EFCAB5: variants seen among roughly 807,000 people sequenced by gnomAD.
EFCAB5 encodes the protein EF-hand calcium-binding domain-containing protein 5.
EFCAB5 carries 131 observed loss-of-function variants against 167.9 expected under a neutral mutation model. The ratio of observed to expected loss-of-function variants is 0.78; its 90% confidence interval spans 0.68 to 0.90. The LOEUF is 0.90. Ranked by LOEUF, EFCAB5 falls within the 40% of genes least tolerant of loss-of-function variation. The probability of loss-of-function intolerance (pLI) is 0.00; values close to 1 mark genes in which losing one functional copy is unlikely to be tolerated. For missense variants in EFCAB5, 1,663 were observed against 1,745.2 expected, an observed-to-expected ratio of 0.95 and a Z score of 0.84; for synonymous variants, 574 against 602.8, an observed-to-expected ratio of 0.95 and a Z score of 0.70.
chr17:30,102,538 T>C (rs1311175178), intron 22 of EFCAB5, among the ~76,000 whole-genome samples: 1 of 152,044 alleles, frequency 6.6e-6, no homozygotes, highest in Non-Finnish European at 1.5e-5. Context: ...ACCCGGCCCT[T>C]ATGTCTTCTT....
chr17:29,950,233 G>T (rs1240781696), intron 3 of EFCAB5, among the ~76,000 whole-genome samples: 1 of 151,962 alleles, frequency 6.6e-6, no homozygotes, highest in African/African-American at 2.4e-5. Flanking sequence ...TTAATGAATA[G>T]TAAATATATT....
At chr17:30,090,946 A>C (rs538898701) in intron 20 of EFCAB5, among the ~76,000 whole-genome samples, 2 of 152,340 alleles carry the variant, frequency 1.3e-5, no homozygotes, top group South Asian at 4.1e-4. Flanking sequence ...CATGTATTAA[A>C]TACCCCCATT....
At chr17:30,033,741 A>G (rs1287968970) in intron 7 of EFCAB5, among the ~76,000 whole-genome samples, 1 of 152,240 alleles carries the variant, frequency 6.6e-6, no homozygotes, top group Non-Finnish European at 1.5e-5. Flanking sequence ...AAAGAAGATC[A>G]TAGACAAAGG....
intron 14 of EFCAB5, 103 bp downstream of exon 14, chr17:30,059,804 A>T (rs964840590): frequency 4.6e-5 from 41 of 884,828 alleles, no homozygotes; most frequent in Admixed American, 1.6e-4. Flanking sequence ...TAAAACCACT[A>T]GATAACCCTT....
intron 21 of EFCAB5, among the ~76,000 whole-genome samples, chr17:30,092,542 C>T (rs1479710601): frequency 6.6e-6 from 1 of 152,152 alleles, no homozygotes; most frequent in Non-Finnish European, 1.5e-5. Flanking sequence ...TGCCCGCCAC[C>T]ACGCCCAGCT....
chr17:29,930,342 C>T (rs1233699656), intron 1 of EFCAB5: 3 of 301,892 alleles, frequency 9.9e-6, no homozygotes, highest in East Asian at 7.3e-5. Context: ...GCGTGCGCCT[C>T]GGGCCGCCGC....
At chr17:30,005,462 G>T (rs1303413029) in intron 7 of EFCAB5, among the ~76,000 whole-genome samples, 1 of 152,112 alleles carries the variant, frequency 6.6e-6, no homozygotes, top group Admixed American at 6.6e-5. Flanking sequence ...TATGCATTCA[G>T]ATCCTTTGGC....
In EFCAB5 at chr17:30,014,540, T is replaced by C. The variant is rs796686387; in HGVS notation, c.1044+14564T>C. Among the ~76,000 whole-genome samples, 13 of 152,354 alleles carry C rather than the reference T, an allele frequency of 8.5e-5. 1 individual carries two copies. Among genetic ancestry groups the C allele is most frequent in the African/African-American group, 2.9e-4 (12 of 41,572 alleles). ...TAGCTCTTCTTGTTGAATTGAACCC[T>C]TTACCATTATATAATGACCTTCTTT... On this transcript the variant is annotated intron_variant, in intron 7 of 22. Transcript: ENST00000394835.
intron 17 of EFCAB5, among the ~76,000 whole-genome samples, chr17:30,082,049 A>G (rs1344794106): frequency 2.0e-5 from 3 of 152,082 alleles, no homozygotes; most frequent in Non-Finnish European, 2.9e-5. Flanking sequence ...GGTTCTAAAG[A>G]TTTCCCATCC....
chr17:30,039,236 G>A (rs1399763709), intron 8 of EFCAB5, among the ~76,000 whole-genome samples: 6 of 152,130 alleles, frequency 3.9e-5, no homozygotes, highest in African/African-American at 7.2e-5. Flanking sequence ...CACCAAGTAC[G>A]GTGGAAAGGG....
intron 3 of EFCAB5, among the ~76,000 whole-genome samples, chr17:29,962,619 C>G (rs1417211449): frequency 1.3e-5 from 2 of 148,914 alleles, no homozygotes; most frequent in African/African-American, 4.9e-5. Flanking sequence ...CGGGTACGTG[C>G]CACCATGCCT....
In EFCAB5 at chr17:30,053,275, G is replaced by A. The variant is rs752738071; in HGVS notation, c.1321G>A (p.Glu441Lys). 1.7e-5 allele frequency: 28 copies of A among 1,604,144 alleles called. No homozygotes were observed. Among genetic ancestry groups the A allele is most frequent in the Non-Finnish European group, 2.2e-5 (26 of 1,174,770 alleles). ...PRQWPFIEFE[E>K]INLTELWGDM... ...ATTAGGGCCATTCATTGAATTTGAA[G>A]AGATAAACTTGACTGAGTTGTGGGG... is the stretch of plus-strand genomic sequence containing the variant. Residue 441 changes from glutamate (E) to lysine (K), a missense_variant, in exon 10 of 23, where the codon GAG (glutamate) becomes AAG (lysine). By Grantham distance (56) the Glu-to-Lys change is moderately conservative. Transcript: ENST00000394835.
chr17:29,993,453 C>A (rs1282534114), intron 5 of EFCAB5, 132 bp downstream of exon 5: 3 of 819,142 alleles, frequency 3.7e-6, no homozygotes, highest in Admixed American at 3.7e-5. Flanking sequence ...CTTGACCTGT[C>A]TGGTCCGTGA....
At chr17:30,061,447 T>A (rs1157114379) in intron 14 of EFCAB5, among the ~76,000 whole-genome samples, 1 of 152,248 alleles carries the variant, frequency 6.6e-6, no homozygotes, top group African/African-American at 2.4e-5. Flanking sequence ...TGTCCAAGAT[T>A]TAAAATTGGG....
chr17:29,943,505 T>C (rs1013509807), intron 2 of EFCAB5, 60 bp from the exon 3 acceptor site: 3 of 1,398,052 alleles, frequency 2.1e-6, no homozygotes, highest in Non-Finnish European at 2.9e-6. Context: ...GAATAATTTA[T>C]ACAACTTTGT....
At chr17:29,950,903 G>A (rs1359982791) in intron 3 of EFCAB5, among the ~76,000 whole-genome samples, 1 of 151,910 alleles carries the variant, frequency 6.6e-6, no homozygotes, top group Non-Finnish European at 1.5e-5. Flanking sequence ...ATTGTTCAAG[G>A]GTCAACTGTA....
chr17:29,960,648 T>C (rs760659629), intron 3 of EFCAB5, among the ~76,000 whole-genome samples: 1 of 152,180 alleles, frequency 6.6e-6, no homozygotes, highest in Non-Finnish European at 1.5e-5. Flanking sequence ...TGTACATCTA[T>C]ACCTCATTTT....
At position 30,096,673 on chromosome 17, in the gene EFCAB5, ATATATTTT is replaced by A. The variant is rs1339060674; in HGVS notation, c.4321+3739_4321+3746del. Among the ~76,000 whole-genome samples the A allele has an allele frequency of 9.1e-4, 58 of 63,496 alleles. No homozygotes were observed. In the East Asian group the frequency reaches 0.014, roughly 15 times the overall value. 41.7% of individuals were successfully genotyped at this position (63,496 alleles called of 152,430 possible). On this transcript the variant is annotated intron_variant, in intron 22 of 22. Coordinates refer to ENST00000394835, the MANE Select transcript of EFCAB5 (RefSeq NM_198529.4). The stretch of plus-strand genomic sequence containing the variant: ...AAAGCATATATATATATATATATAT[ATATATTTT>A]TTTTTTTTTTTTTTTTGAGATGGAG...
At chr17:30,086,146 C>T (rs542029698) in intron 18 of EFCAB5, among the ~76,000 whole-genome samples, 1 of 152,060 alleles carries the variant, frequency 6.6e-6, no homozygotes, top group South Asian at 2.1e-4. Context: ...CAGGCATGCC[C>T]CAAGAATTTT....
Sources: allele counts gnomAD v4.1 joint callset (sites outside exome capture counted in the v4.1 genomes callset), GRCh38; gene constraint gnomAD v4.1.1; transcripts MANE v1.5; gene names NCBI Gene and HGNC (gene_info 2026-07-23, HGNC 2026-07-21).